The following GRIK5 variants were observed in gnomAD, a reference collection of about 807,000 sequenced individuals.
GRIK5 encodes glutamate receptor ionotropic, kainate 5.
A neutral mutation model predicts 97.4 loss-of-function variants in GRIK5; 43 were observed. The ratio of observed to expected loss-of-function variants is 0.44; its 90% CI spans 0.35 to 0.57. The LOEUF (loss-of-function observed/expected upper bound fraction) is 0.57, where lower values mean the gene tolerates loss of function less well. Among genes scored for constraint, GRIK5 ranks in the 20% least tolerant of loss-of-function variants. The pLI, the probability that GRIK5 is intolerant of heterozygous loss-of-function variation, is 0.01. For missense variants in GRIK5, 1,015 were observed against 1,382.0 expected, an observed-to-expected ratio of 0.73 and a Z score of 4.21; for synonymous variants, 580 against 583.5, an observed-to-expected ratio of 0.99 and a Z score of 0.09.
intron 17 of GRIK5, among the ~76,000 whole-genome samples, chr19:42,004,100 G>A (rs1275805052): frequency 6.6e-6 from 1 of 152,128 alleles, no homozygotes; most frequent in African/African-American, 2.4e-5. Flanking sequence ...CCCACATGCT[G>A]GCTCCCCAGG....
chr19:42,035,073 G>A (rs2075885761), intron 12 of GRIK5, among the ~76,000 whole-genome samples: 2 of 152,152 alleles, frequency 1.3e-5, no homozygotes, highest in African/African-American at 4.8e-5. Flanking sequence ...CTGCCTCCCA[G>A]GTTCAAGCAA....
At chr19:42,049,137 T>C (rs939178450) in intron 11 of GRIK5, among the ~76,000 whole-genome samples, 1 of 152,192 alleles carries the variant, frequency 6.6e-6, no homozygotes, top group Non-Finnish European at 1.5e-5. Flanking sequence ...AACCACCATA[T>C]ATGGTTGGTA....
At chr19:42,014,825 T>A (rs1233270050) in intron 15 of GRIK5, among the ~76,000 whole-genome samples, 1 of 152,154 alleles carries the variant, frequency 6.6e-6, no homozygotes, top group Non-Finnish European at 1.5e-5. Context: ...GAGGCCAAGA[T>A]GGGAGAATCA....
intron 12 of GRIK5, among the ~76,000 whole-genome samples, chr19:42,027,167 G>C (rs2075782025): frequency 6.6e-6 from 1 of 152,152 alleles, no homozygotes; most frequent in African/African-American, 2.4e-5. Context: ...TAGCTTTGGG[G>C]ATACGGCGGT....
At chr19:42,040,541 G>C (rs191718562) in intron 12 of GRIK5, among the ~76,000 whole-genome samples, 40 of 152,258 alleles carry the variant, frequency 2.6e-4, no homozygotes, top group African/African-American at 9.1e-4. Context: ...CTCACCCGGG[G>C]CCTCTTTGGG....
intron 8 of GRIK5, 134 bp from the exon 9 acceptor site, chr19:42,054,606 C>A: frequency 1.0e-6 from 1 of 970,326 alleles, no homozygotes; most frequent in South Asian, 1.6e-5. Flanking sequence ...CTGGGTGGGT[C>A]AGGAGTGAGG....
chr19:42,005,823 G>C lies in GRIK5; in HGVS notation c.2163C>G (p.Leu721=), dbSNP rs200962019. ...RVLNSRYAFL[L]ESTMNEYHRR... is the part of the protein sequence containing the mutation. ...GGTGGTATTCGTTCATGGTGGACTC[G>C]AGCAGGAAGGCGTAGCGGGAGTTGA... The change falls in exon 17 of 20, where the codon CTC becomes CTG. Residue 721 remains leucine (L), a synonymous_variant. Transcript: ENST00000593562. 120 of 1,613,652 alleles carry C rather than the reference G, an allele frequency of 7.4e-5. No homozygotes were observed. The highest frequency in any genetic ancestry group is 9.7e-5 in the Non-Finnish European group (114 of 1,179,674).
At position 41,999,879 on chromosome 19, in the gene GRIK5, C is replaced by T. The variant is rs545820464; in HGVS notation, c.2515-580G>A. 2.2e-4 allele frequency among the ~76,000 whole-genome samples: 34 copies of T among 152,208 alleles called. 1 individual carries two copies. In the South Asian group the frequency reaches 6.6e-3, roughly 30 times the overall value. ...CCTAAGGTGTATGGGTAGGGAGTGACGATGAATTCTGAGACAGGACAGTCA... is the reference window on the plus strand; with the variant it reads ...CCTAAGGTGTATGGGTAGGGAGTGATGATGAATTCTGAGACAGGACAGTCA... On this transcript the variant is annotated intron_variant, in intron 19 of 19. Coordinates refer to ENST00000593562, the MANE Select transcript of GRIK5 (RefSeq NM_002088.5). This position sits in a 1 kb window ranked among gnomAD's most constrained non-coding sequence, Gnocchi z 5.0.
chr19:42,003,258 A>G lies in GRIK5; in HGVS notation c.2514+74T>C. Reference sequence around the variant, plus strand: ...CCACCACCCTCCAGGTATGGCTCCCAATGCCACAATCTTCACGCACCTCAG... The same window carrying G: ...CCACCACCCTCCAGGTATGGCTCCCGATGCCACAATCTTCACGCACCTCAG... On this transcript the variant is annotated intron_variant, in intron 19 of 19. Transcript: ENST00000593562. This position sits in a 1 kb window ranked among gnomAD's most constrained non-coding sequence, Gnocchi z 4.2. 7.1e-7 allele frequency: 1 copy of G among 1,408,852 alleles called. No homozygotes were observed. Among genetic ancestry groups the G allele is most frequent in the Non-Finnish European group, 9.9e-7 (1 of 1,013,794 alleles). 87.3% of individuals were successfully genotyped at this position (1,408,852 alleles called of 1,614,324 possible). A position where few individuals can be genotyped will look rare whatever the true frequency, so the allele number is the denominator to read the frequency against.
At chr19:42,041,778 C>T (rs1462658440) in intron 12 of GRIK5, among the ~76,000 whole-genome samples, 2 of 152,156 alleles carry the variant, frequency 1.3e-5, no homozygotes, top group African/African-American at 4.8e-5. Flanking sequence ...TCCCCTTCTC[C>T]CACACCCCCT....
chr19:42,000,463 A>G (rs1555870691), intron 19 of GRIK5, among the ~76,000 whole-genome samples: 1 of 152,214 alleles, frequency 6.6e-6, no homozygotes, highest in Non-Finnish European at 1.5e-5. Context: ...AGAAAGCTCC[A>G]ATATTTTGGC....
At chr19:42,023,539 CA>C (rs1454916757) in intron 12 of GRIK5, among the ~76,000 whole-genome samples, 1 of 152,174 alleles carries the variant, frequency 6.6e-6, no homozygotes, top group Non-Finnish European at 1.5e-5. Flanking sequence ...GAGGAGGAAG[CA>C]ATGGCCTTTC....
At position 42,056,780 on chromosome 19, in the gene GRIK5, G is replaced by T; in HGVS notation, c.785C>A (p.Ser262Tyr). The change falls in exon 8 of 20, where the codon TCC (serine) becomes TAC (tyrosine). Residue 262 changes from serine to tyrosine, a missense_variant. Coordinates refer to ENST00000593562, the MANE Select transcript of GRIK5 (RefSeq NM_002088.5). ...LHLDGIVEDS[S>Y]NILGFSMFNT... is the part of the protein sequence containing the mutation. The stretch of plus-strand genomic sequence containing the variant: ...GAACATGGAGAAGCCCAGGATGTTG[G>T]AGGAGTCCTCCACAATACCGTCCAG... The T allele has an allele frequency of 6.2e-7, 1 of 1,614,124 alleles. No individual in the cohort carries two copies. Among genetic ancestry groups the T allele is most frequent in the South Asian group, 1.1e-5 (1 of 91,080 alleles).
rs2075456600 is a variant in GRIK5, at chr19:42,003,963, C to T, written c.2264-280G>A. On this transcript the variant is annotated intron_variant, in intron 17 of 19. Transcript: ENST00000593562. This position sits in a 1 kb window ranked among gnomAD's most constrained non-coding sequence, Gnocchi z 4.2. Reference sequence around the variant, plus strand: ...CTCGGCCACTCTCAGACACCCTCACCCCCACGGCTCTCAGCTCCAGCCTCA... The same window carrying T: ...CTCGGCCACTCTCAGACACCCTCACTCCCACGGCTCTCAGCTCCAGCCTCA... Among the ~76,000 whole-genome samples the T allele has an allele frequency of 6.6e-6, 1 of 152,142 alleles. No individual in the cohort carries two copies. Among genetic ancestry groups the T allele is most frequent in the Non-Finnish European group, 1.5e-5 (1 of 68,034 alleles).
At chr19:42,012,628 C>T (rs571817009) in intron 15 of GRIK5, among the ~76,000 whole-genome samples, 89 of 152,230 alleles carry the variant, frequency 5.8e-4, no homozygotes, top group African/African-American at 2.0e-3. Context: ...ATAATCCGAG[C>T]ACTTTGGGAG....
chr19:42,009,682 T>G (rs2146024352), intron 15 of GRIK5, among the ~76,000 whole-genome samples: 1 of 150,158 alleles, frequency 6.7e-6, no homozygotes, highest in African/African-American at 2.5e-5. Flanking sequence ...GCAGGAGAAT[T>G]GCCTGAACCT....
At chr19:42,057,034 G>C (rs1346953215) in intron 6 of GRIK5, 56 bp from the exon 7 acceptor site, 2 of 1,304,480 alleles carry the variant, frequency 1.5e-6, no homozygotes, top group Non-Finnish European at 2.2e-6. Flanking sequence ...CACAGGCAGA[G>C]ATGGGGAGGA....
At position 41,999,215 on chromosome 19, in the gene GRIK5, G is replaced by A. The variant is rs1169625704; in HGVS notation, c.2599C>T (p.Pro867Ser). The A allele has an allele frequency of 6.6e-7, 1 of 1,519,462 alleles. No homozygotes were observed. Among genetic ancestry groups the A allele is most frequent in the Non-Finnish European group, 8.8e-7 (1 of 1,140,602 alleles). The allele number at this position is 1,519,462 out of a possible 1,614,324, so 94.1% of individuals were successfully genotyped here. Residue 867 changes from proline (P) to serine (S), a missense_variant, in exon 20 of 20, where the codon CCG becomes TCG. Pro to Ser is a moderately conservative substitution (Grantham distance 74). This residue lies in a region of GRIK5 where 229 missense variants were observed against 341.0 expected (regional missense o/e 0.67). Coordinates refer to ENST00000593562, the MANE Select transcript of GRIK5 (RefSeq NM_002088.5). This position sits in a 1 kb window ranked among gnomAD's most constrained non-coding sequence, Gnocchi z 5.0. ...AGCAGGGCCCGGCTCGGGCCGCCCG[G>A]GCGTCGGCGCCGGCGGGAACGCGAC... ...KTSRSRRRRR[P>S]GGPSRALLSL...
chr19:42,049,109 T>C (rs1392035350), intron 11 of GRIK5, among the ~76,000 whole-genome samples: 2 of 152,138 alleles, frequency 1.3e-5, no homozygotes, highest in Non-Finnish European at 2.9e-5. Context: ...TCCTGATCAT[T>C]AGGGAAATGC....
Sources: gnomAD v4.1 joint callset for allele counts (sites outside exome capture counted in the v4.1 genomes callset) on GRCh38, gnomAD v4.1.1 for gene constraint, gnomAD v4.1.1 regional missense constraint, Gnocchi (gnomAD v3.1) non-coding constraint, MANE v1.5 for transcripts, NCBI Gene and HGNC (gene_info 2026-07-23, HGNC 2026-07-21) for gene names.